Variants in USP6 observed in about 807,000 individuals in gnomAD.
The protein encoded by USP6 is ubiquitin specific peptidase 6.
USP6 carries 128 observed loss-of-function variants against 175.7 expected under a neutral mutation model. The ratio of observed to expected loss-of-function variants is 0.73; its 90% CI spans 0.63 to 0.84. The LOEUF is 0.84. Among genes scored for constraint, USP6 ranks in the 40% least tolerant of loss-of-function variants. The pLI, the probability that USP6 is intolerant of heterozygous loss-of-function variation, is 0.00. For missense variants in USP6, 1,498 were observed against 1,760.3 expected (o/e 0.85, Z 2.67); for synonymous variants, 562 against 630.6 (o/e 0.89, Z 1.63).
At position 5,119,439 on chromosome 17, in the gene USP6, T is replaced by G. The variant is rs1035758707; in HGVS notation, c.-1837+1149T>G. 2.1e-4 allele frequency among the ~76,000 whole-genome samples: 32 copies of G among 152,240 alleles called. 1 individual carries two copies. The highest frequency in any genetic ancestry group is 1.1e-3 in the Admixed American group (17 of 15,286). On this transcript the variant is annotated intron_variant, in intron 2 of 37. Coordinates refer to ENST00000574788, the MANE Select transcript of USP6 (RefSeq NM_001304284.2). ...CTGAAAATTAACTCTTTTGTCCTTC[T>G]TCAGCCCCCACTAAAGTGAGGTCAG...
At position 5,172,891 on chromosome 17, in the gene USP6, A is replaced by G. The variant is rs144726349; in HGVS notation, c.4134A>G (p.Pro1378=). The change falls in exon 38 of 38, where the codon CCA becomes CCG. Residue 1378 remains proline (P), a synonymous_variant. Transcript: ENST00000574788. Reference sequence around the variant, plus strand: ...GGATAGACTACGCACAATTTCTGCCAAAGATTGATGGCAAAAAGATGGCAG... The same window carrying G: ...GGATAGACTACGCACAATTTCTGCCGAAGATTGATGGCAAAAAGATGGCAG... ...QQGIDYAQFL[P]KIDGKKMADT... 6.6e-5 allele frequency: 107 copies of G among 1,613,864 alleles called. 1 individual carries two copies. Among genetic ancestry groups the G allele is most frequent in the Non-Finnish European group, 7.9e-5 (93 of 1,179,884 alleles).
At chr17:5,122,056 A>G (rs1208656671) in intron 4 of USP6, among the ~76,000 whole-genome samples, 2 of 133,294 alleles carry the variant, frequency 1.5e-5, no homozygotes, top group African/African-American at 5.8e-5. Flanking sequence ...AATGGATCAG[A>G]GGGGTCAGGG....
At position 5,170,366 on chromosome 17, in the gene USP6, C is replaced by A; in HGVS notation, c.3518-113C>A. 3 of 1,467,662 alleles carry A rather than the reference C, an allele frequency of 2.0e-6. No homozygotes were observed. In the East Asian group the frequency reaches 6.9e-5, roughly 34 times the overall value. The allele number at this position is 1,467,662 out of a possible 1,614,324, so 90.9% of individuals were successfully genotyped here. A position where few individuals can be genotyped will look rare whatever the true frequency, so the allele number is the denominator to read the frequency against. ...CAAAGGGTAGCCAGTCATGACTCCC[C>A]TGTCTTTACCTTTGTGTGTACAGTT... is the stretch of plus-strand genomic sequence containing the variant. On this transcript the variant is annotated intron_variant, in intron 35 of 37. Transcript: ENST00000574788.
intron 28 of USP6, 108 bp from the exon 29 acceptor site, chr17:5,146,975 T>A: frequency 8.6e-7 from 1 of 1,157,352 alleles, no homozygotes. Flanking sequence ...TCTCGTTGGT[T>A]TTATGGATGA....
intron 4 of USP6, among the ~76,000 whole-genome samples, chr17:5,124,040 A>G (rs1457472455): frequency 3.9e-5 from 6 of 152,204 alleles, no homozygotes; most frequent in Admixed American, 2.0e-4. Context: ...GGACCCTACC[A>G]GGACACGGAG....
rs577437124 is a variant in USP6 at position 5,165,676 on chromosome 17, A to G, written c.3037-2256A>G. Among the ~76,000 whole-genome samples, 11 of 152,330 alleles carry G rather than the reference A, an allele frequency of 7.2e-5. No individual in the cohort carries two copies. The South Asian group carries it at 2.1e-3, about 29-fold the overall frequency. On this transcript the variant is annotated intron_variant, in intron 33 of 37. Coordinates refer to ENST00000574788, the MANE Select transcript of USP6 (RefSeq NM_001304284.2). ...TCTTTAATAGTCTTATATGAAAACT[A>G]TTACTTCATTTCCTGTGTTTTGTGT...
Position 5,173,356 on chromosome 17 carries a change from CAATT to C in USP6, c.*380_*383del, listed in dbSNP as rs1879814533. On this transcript the variant is annotated 3_prime_UTR_variant, in exon 38 of 38. Coordinates refer to ENST00000574788, the MANE Select transcript of USP6 (RefSeq NM_001304284.2). ...CCTTGGAGTCAGAGGAAAAAACAAACAATTATAATGTTGTCTAGGGACGACATGA... is the reference window on the plus strand; with the variant it reads ...CCTTGGAGTCAGAGGAAAAAACAAACATAATGTTGTCTAGGGACGACATGA... 4.2e-6 allele frequency: 1 copy of C among 235,680 alleles called. No individual in the cohort carries two copies. Among genetic ancestry groups the C allele is most frequent in the Non-Finnish European group, 8.3e-6 (1 of 119,994 alleles). 14.6% of individuals were successfully genotyped at this position (235,680 alleles called of 1,614,324 possible).
intron 37 of USP6, among the ~76,000 whole-genome samples, chr17:5,172,539 AATAC>A (rs1291494177): frequency 1.3e-5 from 2 of 152,188 alleles, no homozygotes; most frequent in East Asian, 1.9e-4. Context: ...CAAAAAAATA[AATAC>A]ATACAAAATA....
chr17:5,142,572 T>C, intron 25 of USP6, 70 bp downstream of exon 25: 5 of 1,517,306 alleles, frequency 3.3e-6, no homozygotes, highest in Non-Finnish European at 4.4e-6. Context: ...TCTCTACTTG[T>C]TTTTTGTGTT....
chr17:5,139,177 T>A, intron 21 of USP6, 78 bp from the exon 22 acceptor site: 3 of 1,598,194 alleles, frequency 1.9e-6, no homozygotes, highest in Non-Finnish European at 2.5e-6. Flanking sequence ...ACTCCAGAGA[T>A]GCAGGCAGGT....
rs531120109 is a variant in USP6, at chr17:5,168,743, T to C, written c.3229-24T>C. The C allele has an allele frequency of 2.6e-6, 4 of 1,537,192 alleles. No individual in the cohort carries two copies. In the Admixed American group the frequency reaches 6.3e-5, roughly 24 times the overall value. Reference sequence around the variant, plus strand: ...GTATCTTCAGAACCCTTTAATGCGATGTTTTCTACCTTTACTTCTCCAGAT... The same window carrying C: ...GTATCTTCAGAACCCTTTAATGCGACGTTTTCTACCTTTACTTCTCCAGAT... On this transcript the variant is annotated intron_variant, in intron 34 of 37. Coordinates refer to ENST00000574788, the MANE Select transcript of USP6 (RefSeq NM_001304284.2).
Position 5,132,214 on chromosome 17 carries a change from T to C in USP6, c.156-182T>C. The C allele has an allele frequency of 1.9e-6, 3 of 1,558,752 alleles. No homozygotes were observed. Among genetic ancestry groups the C allele is most frequent in the South Asian group, 2.3e-5 (2 of 86,394 alleles). On this transcript the variant is annotated intron_variant, in intron 11 of 37. Transcript: ENST00000574788. This position sits in a 1 kb window ranked among gnomAD's most constrained non-coding sequence, Gnocchi z 4.7. ...TCCCTGCACTCCTTCTTCTCCCAGG[T>C]CCTGCCCCTCCTGGGAGTCAGAGCC...
rs187585449 is a variant in USP6, at chr17:5,173,696, T to C, written c.*718T>C. The C allele has an allele frequency of 1.4e-5, 3 of 218,022 alleles. No individual in the cohort carries two copies. The highest frequency in any genetic ancestry group is 6.7e-5 in the African/African-American group (3 of 44,582). 13.5% of individuals were successfully genotyped at this position (218,022 alleles called of 1,614,324 possible). A position where few individuals can be genotyped will look rare whatever the true frequency, so the allele number is the denominator to read the frequency against. On this transcript the variant is annotated 3_prime_UTR_variant, in exon 38 of 38. Coordinates refer to ENST00000574788, the MANE Select transcript of USP6 (RefSeq NM_001304284.2). The stretch of plus-strand genomic sequence containing the variant: ...AGAAAAACATCCTGGGAAATCCAGC[T>C]ACCAGGGCCCTCCCAGTGGAGGCAT...
In USP6 at chr17:5,161,581, A is replaced by G. The variant is rs769155702; in HGVS notation, c.2882A>G (p.Asp961Gly). 8 of 1,613,960 alleles carry G rather than the reference A, an allele frequency of 5.0e-6. No homozygotes were observed. In the East Asian group the frequency reaches 1.8e-4, roughly 36 times the overall value. ...YPFTLRVVQK[D>G]GNSCAWCPQY... ...TTCACTCTACGAGTTGTGCAGAAAG[A>G]TGGGAACTCCTGTGCTTGGTGCCCA... Residue 961 changes from aspartate to glycine, a missense_variant, in exon 32 of 38, where the codon GAT becomes GGT. Physicochemically the swap from Asp to Gly is moderately conservative, Grantham distance 94. This residue lies in a region of USP6 where 1,217 missense variants were observed against 1,500.8 expected (regional missense o/e 0.81). Transcript: ENST00000574788.
chr17:5,164,323 T>C (rs2074059850), intron 33 of USP6, among the ~76,000 whole-genome samples: 1 of 152,220 alleles, frequency 6.6e-6, no homozygotes, highest in Admixed American at 6.5e-5. Flanking sequence ...TAGCCAGGAA[T>C]AAGTATAATT....
intron 2 of USP6, 85 bp from the exon 3 acceptor site, chr17:5,120,542 C>T (rs908774838): frequency 2.9e-6 from 1 of 350,826 alleles, no homozygotes; most frequent in Non-Finnish European, 5.6e-6. Flanking sequence ...TCATCTGCAC[C>T]TGTCTCTCCG....
At chr17:5,144,946 C>G in intron 26 of USP6, 83 bp downstream of exon 26, 4 of 1,458,396 alleles carry the variant, frequency 2.7e-6, no homozygotes, top group Non-Finnish European at 3.6e-6. Flanking sequence ...TAAATGCAAA[C>G]TAAACTATTC....
intron 20 of USP6, 121 bp from the exon 21 acceptor site, chr17:5,138,000 A>G: frequency 6.4e-7 from 1 of 1,566,790 alleles, no homozygotes. Context: ...GTACATCTGG[A>G]TGCCTGGGGT....
At chr17:5,155,682 G>C (rs2073868787) in intron 31 of USP6, 76 bp downstream of exon 31, 1 of 1,441,452 alleles carries the variant, frequency 6.9e-7, no homozygotes. Flanking sequence ...CTACATGACA[G>C]ATAGGGCCCA....
Sources: gnomAD v4.1 joint callset for allele counts (sites outside exome capture counted in the v4.1 genomes callset) on GRCh38, gnomAD v4.1.1 for gene constraint, gnomAD v4.1.1 regional missense constraint, Gnocchi (gnomAD v3.1) non-coding constraint, MANE v1.5 for transcripts, NCBI Gene and HGNC (gene_info 2026-07-23, HGNC 2026-07-21) for gene names.